The following COL28A1 variants were observed in gnomAD, a reference collection of about 807,000 sequenced individuals.
COL28A1 encodes collagen type XXVIII alpha 1 chain.
In COL28A1, 161 loss-of-function variants were observed where a neutral mutation model predicts 150.2. The ratio of observed to expected loss-of-function variants is 1.07; its 90% CI spans 0.94 to 1.22. The LOEUF (loss-of-function observed/expected upper bound fraction) is 1.22, where lower values mean the gene tolerates loss of function less well. Among genes scored for constraint, COL28A1 ranks in the 50% most tolerant of loss-of-function variants. The pLI, the probability that COL28A1 is intolerant of heterozygous loss-of-function variation, is 0.00. For missense variants in COL28A1, 1,617 were observed against 1,388.3 expected (o/e 1.16, Z -2.62); for synonymous variants, 552 against 469.7 (o/e 1.18, Z -2.26).
chr7:7,445,862 C>A (rs577338878), intron 18 of COL28A1, among the ~76,000 whole-genome samples: 3 of 145,046 alleles, frequency 2.1e-5, no homozygotes, highest in African/African-American at 7.8e-5. Flanking sequence ...AAACTTAATG[C>A]CTTTTTTTTT....
At chr7:7,360,249 C>T (rs1027079975) in intron 34 of COL28A1, 141 bp downstream of exon 34, 7 of 755,918 alleles carry the variant, frequency 9.3e-6, no homozygotes, top group South Asian at 7.2e-5. Flanking sequence ...AGAATCATAA[C>T]ATTTTCTCTC....
chr7:7,364,442 T>C (rs1304748560), intron 33 of COL28A1, among the ~76,000 whole-genome samples: 1 of 152,200 alleles, frequency 6.6e-6, no homozygotes. Flanking sequence ...CACTAATCCT[T>C]ATCTTCCATT....
In COL28A1 at chr7:7,424,894, T is replaced by C. The variant is rs78583421; in HGVS notation, c.1999-4941A>G. 5.9e-5 allele frequency among the ~76,000 whole-genome samples: 9 copies of C among 152,266 alleles called. No homozygotes were observed. The East Asian group carries it at 1.5e-3, about 26-fold the overall frequency. ...GATTCAGTGAAGACCACCTAGACCA[T>C]AACCTTGCAGAGTGGATAATTTTAA... On this transcript the variant is annotated intron_variant, in intron 25 of 34. Transcript: ENST00000399429.
At chr7:7,378,874 C>G (rs73674511) in intron 30 of COL28A1, among the ~76,000 whole-genome samples, 122 of 152,330 alleles carry the variant, frequency 8.0e-4, no homozygotes, top group African/African-American at 2.9e-3. Flanking sequence ...TCTTGTACCA[C>G]AACCCACTAG....
chr7:7,519,870 A>G (rs1351628427), intron 6 of COL28A1, among the ~76,000 whole-genome samples, 192 bp downstream of exon 6: 1 of 152,178 alleles, frequency 6.6e-6, no homozygotes, highest in Non-Finnish European at 1.5e-5. Context: ...CATATATGTT[A>G]CTCAGAATTT....
chr7:7,495,887 G>C (rs1780183204), intron 11 of COL28A1, among the ~76,000 whole-genome samples: 1 of 152,012 alleles, frequency 6.6e-6, no homozygotes, highest in Non-Finnish European at 1.5e-5. Context: ...CCCAAAGACA[G>C]AGCTCCTTAC....
chr7:7,513,301 A>G (rs1023475634), intron 8 of COL28A1, among the ~76,000 whole-genome samples: 1 of 152,194 alleles, frequency 6.6e-6, no homozygotes, highest in Non-Finnish European at 1.5e-5. Context: ...CATGACCACA[A>G]ATTTGAGTCT....
intron 27 of COL28A1, among the ~76,000 whole-genome samples, chr7:7,410,370 A>C (rs1783714168): frequency 6.6e-6 from 1 of 152,210 alleles, no homozygotes; most frequent in African/African-American, 2.4e-5. Flanking sequence ...TTGACTTGGC[A>C]GGTATAATCC....
chr7:7,534,584 T>C (rs1426902791), intron 1 of COL28A1, among the ~76,000 whole-genome samples: 1 of 152,132 alleles, frequency 6.6e-6, no homozygotes, highest in African/African-American at 2.4e-5. Context: ...GAGAACTGAA[T>C]TCCATTGAGA....
chr7:7,531,891 G>C lies in COL28A1; in HGVS notation c.138C>G (p.Phe46Leu). 1 of 1,598,600 alleles carries C rather than the reference G, an allele frequency of 6.3e-7. No individual in the cohort carries two copies. The highest frequency in any genetic ancestry group is 1.1e-5 in the South Asian group (1 of 90,230). The change falls in exon 3 of 35, where the codon TTC becomes TTG. Residue 46 changes from phenylalanine (F) to leucine (L), a missense_variant. By Grantham distance (22) the Phe-to-Leu change is conservative. Transcript: ENST00000399429. ...RKSDVQGSIC[F>L]IDIVFIVDSS... The stretch of plus-strand genomic sequence containing the variant: ...TGTCCACGATGAAGACAATATCTAT[G>C]AAACAAATGGAGCCTGAAACAGAAT...
chr7:7,346,672 ATC>A, the COL28A1 span, among the ~76,000 whole-genome samples: 1 of 152,072 alleles, frequency 6.6e-6, no homozygotes, highest in African/African-American at 2.4e-5. Flanking sequence ...GATCTGAGAG[ATC>A]TTTTTCAAAA....
chr7:7,379,740 G>T (rs1351450391), intron 30 of COL28A1, among the ~76,000 whole-genome samples: 1 of 152,172 alleles, frequency 6.6e-6, no homozygotes, highest in African/African-American at 2.4e-5. Flanking sequence ...AAACCTACAG[G>T]GAACGTTCCT....
At chr7:7,513,573 T>C (rs971281444) in intron 8 of COL28A1, among the ~76,000 whole-genome samples, 3 of 152,220 alleles carry the variant, frequency 2.0e-5, no homozygotes, top group Admixed American at 6.5e-5. Context: ...TTAGAACAAG[T>C]TGAACATTTA....
At chr7:7,371,958 G>A (rs13437909) in intron 32 of COL28A1, among the ~76,000 whole-genome samples, 11 of 151,922 alleles carry the variant, frequency 7.2e-5, no homozygotes, top group Admixed American at 1.3e-4. Context: ...TCAGCTTCCC[G>A]GGTAGCTGGG....
intron 17 of COL28A1, 31 bp downstream of exon 17, chr7:7,453,409 T>C (rs755289266): frequency 4.3e-6 from 4 of 930,444 alleles, no homozygotes; most frequent in South Asian, 2.6e-5. Flanking sequence ...ACTATAGATA[T>C]ATTAAACTCC....
At chr7:7,361,680 T>C (rs777949754) in intron 33 of COL28A1, among the ~76,000 whole-genome samples, 1 of 152,214 alleles carries the variant, frequency 6.6e-6, no homozygotes, top group Non-Finnish European at 1.5e-5. Context: ...CATTTTTTGA[T>C]AGAGTTTTTT....
In COL28A1 at chr7:7,373,699, T is replaced by C. The variant is rs1781362715; in HGVS notation, c.2360-153A>G. On this transcript the variant is annotated intron_variant, in intron 31 of 34. Transcript: ENST00000399429. This position sits in a 1 kb window ranked among gnomAD's most constrained non-coding sequence, Gnocchi z 4.1. Reference sequence around the variant, plus strand: ...AAATACCTGACAGCTGTCTCCATTCTGGTTTCTTTTTTTTTTTGTGAGACA... The same window carrying C: ...AAATACCTGACAGCTGTCTCCATTCCGGTTTCTTTTTTTTTTTGTGAGACA... Among the ~76,000 whole-genome samples the C allele has an allele frequency of 1.0e-5, 1 of 99,670 alleles. No homozygotes were observed. Among genetic ancestry groups the C allele is most frequent in the Admixed American group, 1.3e-4 (1 of 7,562 alleles). 65.4% of individuals were successfully genotyped at this position (99,670 alleles called of 152,430 possible).
intron 25 of COL28A1, among the ~76,000 whole-genome samples, chr7:7,424,983 T>A (rs985814552): frequency 5.3e-5 from 8 of 152,170 alleles, no homozygotes; most frequent in African/African-American, 1.4e-4. Context: ...GCTTTCCCTT[T>A]TTAAATGAAA....
At chr7:7,430,087 G>C (rs1784876772) in intron 25 of COL28A1, among the ~76,000 whole-genome samples, 1 of 152,144 alleles carries the variant, frequency 6.6e-6, no homozygotes, top group Non-Finnish European at 1.5e-5. Context: ...CTGTATCTTA[G>C]ATAATCTGAC....
Sources: gnomAD v4.1 joint callset for allele counts (sites outside exome capture counted in the v4.1 genomes callset) on GRCh38, gnomAD v4.1.1 for gene constraint, Gnocchi (gnomAD v3.1) non-coding constraint, MANE v1.5 for transcripts, NCBI Gene and HGNC (gene_info 2026-07-23, HGNC 2026-07-21) for gene names.